Variants in SNED1 observed in about 807,000 individuals in gnomAD.
The protein encoded by SNED1 is sushi, nidogen and EGF like domains 1, also known as sushi, nidogen and EGF-like domain-containing protein 1.
In SNED1, 81 loss-of-function variants were observed where a neutral mutation model predicts 166.7. The observed-to-expected ratio is 0.49, with a 90% CI of 0.41 to 0.58. The LOEUF (loss-of-function observed/expected upper bound fraction) is 0.58. Ranked by LOEUF, SNED1 falls within the 20% of genes least tolerant of loss-of-function variation. The pLI is 0.00. For missense variants in SNED1, 1,604 were observed against 2,000.2 expected (o/e 0.80, Z 3.78); for synonymous variants, 762 against 822.0 (o/e 0.93, Z 1.25).
rs1373762566 is a variant in SNED1, at chr2:241,085,856, GTTTC to G, written c.4122-1532_4122-1529del. Among the ~76,000 whole-genome samples, 6 of 128,990 alleles carry G rather than the reference GTTTC, an allele frequency of 4.7e-5. No homozygotes were observed. The East Asian group carries it at 1.2e-3, about 25-fold the overall frequency. The allele number at this position is 128,990 out of a possible 152,430, so 84.6% of individuals were successfully genotyped here. A position where few individuals can be genotyped will look rare whatever the true frequency, so the allele number is the denominator to read the frequency against. ...AGTTCTATGGCATGGCCTTTCTGCGGTTTCTTTTTTTTTTTTTTTTTTTTTTTTG... is the reference window on the plus strand; with the variant it reads ...AGTTCTATGGCATGGCCTTTCTGCGGTTTTTTTTTTTTTTTTTTTTTTTTG... On this transcript the variant is annotated intron_variant, in intron 29 of 31. Coordinates refer to ENST00000310397, the MANE Select transcript of SNED1 (RefSeq NM_001080437.3).
rs1379934921 is a variant in SNED1 at position 241,068,323 on chromosome 2, G to T, written c.3194+376G>T. Among the ~76,000 whole-genome samples, 1 of 141,258 alleles carries T rather than the reference G, an allele frequency of 7.1e-6. No individual in the cohort carries two copies. The highest frequency in any genetic ancestry group is 3.1e-5 in the African/African-American group (1 of 32,086). 92.7% of individuals were successfully genotyped at this position (141,258 alleles called of 152,430 possible). A position where few individuals can be genotyped will look rare whatever the true frequency, so the allele number is the denominator to read the frequency against. On this transcript the variant is annotated intron_variant, in intron 22 of 31. Transcript: ENST00000310397. The surrounding 1 kb of genome is among the most constrained non-coding windows in gnomAD (Gnocchi z 5.3). Reference sequence around the variant, plus strand: ...CGAGCTCTCCCAGGAGTCCCACAGTGGACCCCTCAGAGAGCAGCGGCCAGC... The same window carrying T: ...CGAGCTCTCCCAGGAGTCCCACAGTTGACCCCTCAGAGAGCAGCGGCCAGC...
At chr2:241,030,666 T>A in intron 2 of SNED1, 95 bp downstream of exon 2, 2 of 1,294,910 alleles carry the variant, frequency 1.5e-6, no homozygotes, top group Middle Eastern at 1.9e-4. Flanking sequence ...GTGGGTGTGG[T>A]GCAGTCACTG....
At chr2:241,036,310 C>T (rs2061367015) in intron 4 of SNED1, among the ~76,000 whole-genome samples, 2 of 151,832 alleles carry the variant, frequency 1.3e-5, no homozygotes, top group South Asian at 2.1e-4. Flanking sequence ...GCTCACGGGG[C>T]GGGGAGCCCA....
chr2:241,050,158 C>A, intron 12 of SNED1: 1 of 587,810 alleles, frequency 1.7e-6, no homozygotes, highest in Admixed American at 2.9e-5. Flanking sequence ...TTACCTTGCT[C>A]TTCTGAAAAT....
At chr2:241,087,212 T>A in intron 29 of SNED1, 180 bp from the exon 30 acceptor site, 1 of 590,440 alleles carries the variant, frequency 1.7e-6, no homozygotes, top group South Asian at 2.4e-5. Flanking sequence ...TTATTACAAA[T>A]CACATGACCT....
intron 27 of SNED1, among the ~76,000 whole-genome samples, chr2:241,079,552 G>A (rs2063227039): frequency 6.6e-6 from 1 of 152,078 alleles, no homozygotes; most frequent in South Asian, 2.1e-4. Context: ...ACTAAATGAG[G>A]AGGGAAAGAA....
rs2064305226 is a variant in SNED1, at chr2:241,094,998, T to G, written c.*3362T>G. On this transcript the variant is annotated 3_prime_UTR_variant, in exon 32 of 32. Coordinates refer to ENST00000310397, the MANE Select transcript of SNED1 (RefSeq NM_001080437.3). The surrounding 1 kb of genome is among the most constrained non-coding windows in gnomAD (Gnocchi z 4.3). ...ATCACCCCGGCTGACATCAAATTCC[T>G]CTTCTCTTTTCCCAACATTTCAAAT... 6.7e-6 allele frequency: 1 copy of G among 148,990 alleles called. No homozygotes were observed. The highest frequency in any genetic ancestry group is 2.5e-5 in the African/African-American group (1 of 40,508). The allele number at this position is 148,990 out of a possible 1,614,324, so 9.2% of individuals were successfully genotyped here. A position where few individuals can be genotyped will look rare whatever the true frequency, so the allele number is the denominator to read the frequency against.
intron 1 of SNED1, among the ~76,000 whole-genome samples, chr2:241,027,156 C>G (rs746882243): frequency 1.3e-5 from 2 of 152,022 alleles, no homozygotes; most frequent in Non-Finnish European, 2.9e-5. Flanking sequence ...TCTTGGCTCA[C>G]TGCAACCTCC....
At chr2:241,059,810 T>C (rs1407983013) in intron 16 of SNED1, among the ~76,000 whole-genome samples, 1 of 152,154 alleles carries the variant, frequency 6.6e-6, no homozygotes, top group Non-Finnish European at 1.5e-5. Flanking sequence ...CAGCTACCAG[T>C]GTACTCAGTG....
chr2:241,016,514 C>T (rs2060599593), intron 1 of SNED1, among the ~76,000 whole-genome samples: 1 of 152,014 alleles, frequency 6.6e-6, no homozygotes, highest in African/African-American at 2.4e-5. Flanking sequence ...ATTATTTATC[C>T]TCTTTGTATA....
intron 1 of SNED1, among the ~76,000 whole-genome samples, chr2:241,023,484 T>TAAAA (rs11410258): frequency 4.0e-5 from 6 of 150,066 alleles, no homozygotes; most frequent in African/African-American, 1.2e-4. Flanking sequence ...CAATATGTGG[T>TAAAA]AAAAAAAAAA....
intron 5 of SNED1, 162 bp from the exon 6 acceptor site, chr2:241,037,078 C>T (rs1046709275): frequency 2.9e-6 from 3 of 1,028,174 alleles, no homozygotes; most frequent in South Asian, 1.6e-5. Flanking sequence ...GACCAAAGGC[C>T]ATGGCCCCCT....
intron 15 of SNED1, 121 bp from the exon 16 acceptor site, chr2:241,053,032 T>C: frequency 2.2e-6 from 2 of 924,166 alleles, no homozygotes; most frequent in Non-Finnish European, 3.2e-6. Context: ...CTTTCCCCGG[T>C]GAAGGGCAGT....
At chr2:241,006,231 T>C (rs767650462) in intron 1 of SNED1, among the ~76,000 whole-genome samples, 2 of 152,244 alleles carry the variant, frequency 1.3e-5, no homozygotes, top group Non-Finnish European at 1.5e-5. Flanking sequence ...TCCTATAAGT[T>C]GTATTTGGAT....
At position 241,049,848 on chromosome 2, in the gene SNED1, C is replaced by T. The variant is rs1361842087; in HGVS notation, c.1650C>T (p.Cys550=). ...CATCACCCTGCGACTCGGACCCCTG[C>T]TTCAACGGAGGCTCCTGCGATGCCC... ...SLPSPCDSDP[C]FNGGSCDAHD... The change falls in exon 12 of 32, where the codon TGC becomes TGT. Residue 550 remains cysteine, a synonymous_variant. Coordinates refer to ENST00000310397, the MANE Select transcript of SNED1 (RefSeq NM_001080437.3). 1 of 1,613,836 alleles carries T rather than the reference C, an allele frequency of 6.2e-7. No individual in the cohort carries two copies. The highest frequency in any genetic ancestry group is 1.3e-5 in the African/African-American group (1 of 75,036).
intron 15 of SNED1, 87 bp downstream of exon 15, chr2:241,052,555 G>A: frequency 9.5e-7 from 1 of 1,048,674 alleles, no homozygotes; most frequent in Admixed American, 1.8e-5. Flanking sequence ...GGGTACATGG[G>A]ATACCAGTGC....
Position 241,069,981 on chromosome 2 carries a change from C to T in SNED1, c.3369C>T (p.Val1123=). ...ARVTATSAHV[V]WDAPTPGSLL... ...TCACTGCCACCTCTGCCCACGTGGT[C>T]TGGGATGCCCCGACTCCAGGCAGCT... The change falls in exon 24 of 32, where the codon GTC becomes GTT. Residue 1123 remains valine (V), a synonymous_variant. Transcript: ENST00000310397. The surrounding 1 kb of genome is among the most constrained non-coding windows in gnomAD (Gnocchi z 4.9). 1 of 1,613,032 alleles carries T rather than the reference C, an allele frequency of 6.2e-7. No individual in the cohort carries two copies. Among genetic ancestry groups the T allele is most frequent in the Non-Finnish European group, 8.5e-7 (1 of 1,179,890 alleles).
Position 241,064,941 on chromosome 2 carries a change from C to T in SNED1, c.2697C>T (p.Gly899=). The change falls in exon 20 of 32, where the codon GGC becomes GGT. Residue 899 remains glycine (G), a synonymous_variant. Coordinates refer to ENST00000310397, the MANE Select transcript of SNED1 (RefSeq NM_001080437.3). The surrounding 1 kb of genome is among the most constrained non-coding windows in gnomAD (Gnocchi z 7.0). ...GCACCTGCAAAGTGGGCTACACGGG[C>T]GAGGACTGCGCCAAAGGTGGGTGGC... is the stretch of plus-strand genomic sequence containing the variant. ...HSCTCKVGYT[G]EDCAKELFPP... The T allele has an allele frequency of 6.3e-7, 1 of 1,585,832 alleles. No individual in the cohort carries two copies. The highest frequency in any genetic ancestry group is 8.5e-7 in the Non-Finnish European group (1 of 1,169,620).
chr2:241,077,332 T>C (rs911078192), intron 27 of SNED1, among the ~76,000 whole-genome samples: 13 of 152,150 alleles, frequency 8.5e-5, no homozygotes, highest in East Asian at 3.8e-4. Flanking sequence ...GAAGAAAACA[T>C]AGGAGTAAAT....
Sources: allele counts gnomAD v4.1 joint callset (sites outside exome capture counted in the v4.1 genomes callset), GRCh38; gene constraint gnomAD v4.1.1; non-coding constraint Gnocchi (gnomAD v3.1); transcripts MANE v1.5; gene names NCBI Gene and HGNC (gene_info 2026-07-23, HGNC 2026-07-21).